Variants in ENPP3 observed in about 807,000 individuals in gnomAD.
ENPP3 encodes the protein ectonucleotide pyrophosphatase/phosphodiesterase 3.
ENPP3 carries 104 observed loss-of-function variants against 117.8 expected under a neutral mutation model. The ratio of observed to expected loss-of-function variants is 0.88; its 90% CI spans 0.75 to 1.04. The LOEUF (loss-of-function observed/expected upper bound fraction) is 1.04, where lower values mean the gene tolerates loss of function less well. Among genes scored for constraint, ENPP3 ranks in the 50% least tolerant of loss-of-function variants. The probability of loss-of-function intolerance (pLI) is 0.00; values close to 1 mark genes in which losing one functional copy is unlikely to be tolerated. For synonymous variants in ENPP3, 380 were observed against 349.9 expected (o/e 1.09, Z -0.96); for missense variants, 1,026 against 1,051.9 (o/e 0.98, Z 0.34).
chr6:131,743,056 A>C (rs1219766506), intron 24 of ENPP3, among the ~76,000 whole-genome samples: 2 of 152,246 alleles, frequency 1.3e-5, no homozygotes, highest in Non-Finnish European at 2.9e-5. Context: ...AGAAAACTTA[A>C]GCCAAGCTAT....
chr6:131,674,756 G>A (rs1413500721), intron 8 of ENPP3, among the ~76,000 whole-genome samples: 2 of 151,734 alleles, frequency 1.3e-5, no homozygotes, highest in Non-Finnish European at 2.9e-5. Flanking sequence ...ATTTTTAGTA[G>A]AGATGGGGTT....
intron 1 of ENPP3, among the ~76,000 whole-genome samples, chr6:131,637,701 A>G (rs1199713984): frequency 6.6e-6 from 1 of 152,214 alleles, no homozygotes; most frequent in Non-Finnish European, 1.5e-5. Flanking sequence ...GGAATCCATG[A>G]CAGAACGCTT....
chr6:131,698,191 G>A (rs772768909), intron 15 of ENPP3, among the ~76,000 whole-genome samples: 1 of 151,988 alleles, frequency 6.6e-6, no homozygotes, highest in Admixed American at 6.6e-5. Context: ...TGTTCAAGGG[G>A]CTTATTAGAA....
At chr6:131,646,735 A>G (rs1161145173) in intron 2 of ENPP3, among the ~76,000 whole-genome samples, 1 of 140,468 alleles carries the variant, frequency 7.1e-6, no homozygotes, top group East Asian at 2.0e-4. Flanking sequence ...CCTAGGGGAA[A>G]GCTCTTGGCT....
chr6:131,725,974 G>T (rs1162290048), intron 19 of ENPP3, 72 bp from the exon 20 acceptor site: 2 of 948,324 alleles, frequency 2.1e-6, no homozygotes, highest in Non-Finnish European at 1.7e-6. Context: ...TTATTATATG[G>T]GTAGTTATTA....
chr6:131,680,065 G>T (rs188980397), intron 11 of ENPP3, among the ~76,000 whole-genome samples: 3 of 152,304 alleles, frequency 2.0e-5, no homozygotes, highest in Non-Finnish European at 2.9e-5. Context: ...GACAGGACCA[G>T]ATCTATGTGT....
intron 8 of ENPP3, 31 bp from the exon 9 acceptor site, chr6:131,675,049 T>A: frequency 7.5e-7 from 1 of 1,335,198 alleles, no homozygotes. Flanking sequence ...AAGTAATTAC[T>A]GACTTTCGCT....
chr6:131,719,763 A>G (rs1231058227), intron 16 of ENPP3, among the ~76,000 whole-genome samples: 2 of 152,200 alleles, frequency 1.3e-5, no homozygotes, highest in East Asian at 1.9e-4. Flanking sequence ...TCAAGTTAAC[A>G]TTAATTAATT....
chr6:131,697,712 T>A (rs1219180699), intron 15 of ENPP3, among the ~76,000 whole-genome samples: 1 of 152,068 alleles, frequency 6.6e-6, no homozygotes, highest in African/African-American at 2.4e-5. Context: ...CCTATGAGAA[T>A]CTAATGCCAC....
chr6:131,716,260 T>A (rs7746945), intron 15 of ENPP3, among the ~76,000 whole-genome samples: 21,026 of 152,198 alleles, frequency 0.14, 2,069 homozygotes, highest in East Asian at 0.33. Flanking sequence ...GTTCCATATG[T>A]AACTTCCAAA....
At chr6:131,668,316 G>A (rs910405758) in intron 6 of ENPP3, among the ~76,000 whole-genome samples, 2 of 143,748 alleles carry the variant, frequency 1.4e-5, no homozygotes, top group African/African-American at 5.2e-5. Context: ...GGGTTCCAGT[G>A]ATTCTCCTGT....
intron 19 of ENPP3, among the ~76,000 whole-genome samples, chr6:131,725,520 A>G (rs2114540095): frequency 6.6e-6 from 1 of 152,216 alleles, no homozygotes; most frequent in South Asian, 2.1e-4. Context: ...ATCACCTCCT[A>G]AAGGTCCCAC....
At chr6:131,674,397 C>A in intron 8 of ENPP3, 116 bp downstream of exon 8, 1 of 1,012,388 alleles carries the variant, frequency 9.9e-7, no homozygotes, top group Non-Finnish European at 1.6e-6. Flanking sequence ...TTTCTAAGGG[C>A]TGAGGGTGCA....
At chr6:131,727,907 A>G (rs1020160798) in intron 20 of ENPP3, among the ~76,000 whole-genome samples, 1 of 152,228 alleles carries the variant, frequency 6.6e-6, no homozygotes, top group Non-Finnish European at 1.5e-5. Flanking sequence ...TTGATTGCAT[A>G]GGTTTACCTA....
At position 131,737,400 on chromosome 6, in the gene ENPP3, G is replaced by A. The variant is rs1163602823; in HGVS notation, c.2135G>A (p.Ser712Asn). ...SDSQYDALIT[S>N]NLVPMYEEFR... The stretch of plus-strand genomic sequence containing the variant: ...AGCCAATATGATGCTTTAATTACTA[G>A]CAATTTGGTACCTATGTATGAAGAA... Residue 712 changes from serine to asparagine, a missense_variant, in exon 22 of 25, where the codon AGC becomes AAC. Physicochemically the swap from Ser to Asn is conservative, Grantham distance 46. Coordinates refer to ENST00000357639, the MANE Select transcript of ENPP3 (RefSeq NM_005021.5). 1 of 1,606,338 alleles carries A rather than the reference G, an allele frequency of 6.2e-7. No individual in the cohort carries two copies.
chr6:131,715,708 C>A lies in ENPP3; in HGVS notation c.1413-2964C>A, dbSNP rs1161859023. 3.3e-5 allele frequency among the ~76,000 whole-genome samples: 5 copies of A among 152,324 alleles called. No individual in the cohort carries two copies. The East Asian group carries it at 7.7e-4, about 24-fold the overall frequency. ...GTAAGAGATTAGGCTTCCTCTGGCA[C>A]CCTTATGCAGAGAATTTGGGGCCAA... On this transcript the variant is annotated intron_variant, in intron 15 of 24. Transcript: ENST00000357639.
chr6:131,742,587 T>C (rs1174069337), intron 24 of ENPP3, among the ~76,000 whole-genome samples: 1 of 152,104 alleles, frequency 6.6e-6, no homozygotes, highest in Non-Finnish European at 1.5e-5. Flanking sequence ...CCAAAACTTC[T>C]GATTATCCTG....
chr6:131,678,965 C>CCTTCCTTGCTTCCTTG (rs1778944905), intron 11 of ENPP3, among the ~76,000 whole-genome samples: 1 of 96,348 alleles, frequency 1.0e-5, no homozygotes, highest in African/African-American at 7.5e-5. Context: ...TTCTTTCCTT[C>CCTTCCTTGCTTCCTTG]CTTCCTTCCT....
Position 131,722,254 on chromosome 6 carries a change from A to G in ENPP3, c.1595A>G (p.Asn532Ser), listed in dbSNP as rs1397704842. ...CDLLRIQPAP[N>S]NGTHGSLNHL... ...CTTCTACGCATTCAACCAGCACCAA[A>G]CAATGGAACCCATGGTAGTTTAAAC... is the stretch of plus-strand genomic sequence containing the variant. Residue 532 changes from asparagine to serine, a missense_variant, in exon 18 of 25, where the codon AAC (asparagine) becomes AGC (serine). Asn to Ser is a conservative substitution (Grantham distance 46). Transcript: ENST00000357639. 4.3e-6 allele frequency: 7 copies of G among 1,613,772 alleles called. No individual in the cohort carries two copies. The East Asian group carries it at 1.3e-4, about 31-fold the overall frequency.
Sources: allele counts gnomAD v4.1 joint callset (sites outside exome capture counted in the v4.1 genomes callset), GRCh38; gene constraint gnomAD v4.1.1; transcripts MANE v1.5; gene names NCBI Gene and HGNC (gene_info 2026-07-23, HGNC 2026-07-21).